The following CCBE1 variants were observed in gnomAD, a reference collection of about 807,000 sequenced individuals.
CCBE1 encodes collagen and calcium-binding EGF domain-containing protein 1.
In CCBE1, 37 loss-of-function variants were observed where a neutral mutation model predicts 50.0. The observed-to-expected ratio is 0.74, with a 90% CI of 0.57 to 0.97. The LOEUF (loss-of-function observed/expected upper bound fraction) is 0.97. Among genes scored for constraint, CCBE1 ranks in the 50% least tolerant of loss-of-function variants. The pLI is 0.00. For synonymous variants in CCBE1, 234 were observed against 203.7 expected (o/e 1.15, Z -1.27); for missense variants, 538 against 523.8 (o/e 1.03, Z -0.26).
chr18:59,613,131 A>T (rs998763427), intron 2 of CCBE1, among the ~76,000 whole-genome samples: 13 of 152,040 alleles, frequency 8.6e-5, no homozygotes, highest in Non-Finnish European at 1.6e-4. Context: ...TAACTGGATT[A>T]AAAATAGGAG....
intron 2 of CCBE1, among the ~76,000 whole-genome samples, chr18:59,667,913 G>C (rs2054377601): frequency 6.6e-6 from 1 of 152,078 alleles, no homozygotes; most frequent in Non-Finnish European, 1.5e-5. Context: ...CTGTAAAACT[G>C]GATAAAAATT....
chr18:59,547,277 G>A (rs1915743274), intron 2 of CCBE1, among the ~76,000 whole-genome samples: 1 of 152,106 alleles, frequency 6.6e-6, no homozygotes, highest in African/African-American at 2.4e-5. Flanking sequence ...GGGGAGCAGG[G>A]AGGTGGAAAA....
intron 2 of CCBE1, among the ~76,000 whole-genome samples, chr18:59,658,350 AAAAAATATAT>A (rs2054225552): frequency 3.8e-5 from 1 of 26,604 alleles, no homozygotes; most frequent in African/African-American, 1.6e-4. Context: ...AAAAAAAAAA[AAAAAATATAT>A]ATATATATAT....
At chr18:59,469,735 T>G in intron 3 of CCBE1, 128 bp from the exon 4 acceptor site, 1 of 1,246,696 alleles carries the variant, frequency 8.0e-7, no homozygotes. Flanking sequence ...CAGATATACT[T>G]GGAGGGACAG....
chr18:59,540,046 G>A (rs1915409852), intron 2 of CCBE1, among the ~76,000 whole-genome samples: 1 of 151,884 alleles, frequency 6.6e-6, no homozygotes, highest in African/African-American at 2.4e-5. Flanking sequence ...GTATAATCTT[G>A]GACCCATAAA....
chr18:59,488,356 T>C (rs1912923382), intron 2 of CCBE1, among the ~76,000 whole-genome samples: 1 of 152,230 alleles, frequency 6.6e-6, no homozygotes, highest in Admixed American at 6.5e-5. Flanking sequence ...CAGTTATTTT[T>C]GCCACACACA....
intron 7 of CCBE1, among the ~76,000 whole-genome samples, chr18:59,443,423 A>C (rs1910529241): frequency 6.6e-6 from 1 of 151,916 alleles, no homozygotes; most frequent in African/African-American, 2.4e-5. Context: ...GGGGCCTGAC[A>C]AGCATTTTTA....
At chr18:59,602,107 T>C (rs949696050) in intron 2 of CCBE1, among the ~76,000 whole-genome samples, 1 of 148,772 alleles carries the variant, frequency 6.7e-6, no homozygotes, top group African/African-American at 2.6e-5. Flanking sequence ...ATTACAAATG[T>C]GAATTCCTTT....
intron 2 of CCBE1, among the ~76,000 whole-genome samples, chr18:59,621,984 C>T (rs911317273): frequency 1.3e-5 from 2 of 152,202 alleles, no homozygotes; most frequent in Non-Finnish European, 2.9e-5. Flanking sequence ...CACTATTTCA[C>T]ACCCTCAAAA....
chr18:59,659,693 G>C (rs916173380), intron 2 of CCBE1, among the ~76,000 whole-genome samples: 1 of 152,190 alleles, frequency 6.6e-6, no homozygotes, highest in Non-Finnish European at 1.5e-5. Flanking sequence ...AGCTGAGCCT[G>C]ATGACAGTGC....
intron 2 of CCBE1, among the ~76,000 whole-genome samples, chr18:59,639,429 T>C (rs1446360683): frequency 6.6e-6 from 1 of 152,204 alleles, no homozygotes; most frequent in African/African-American, 2.4e-5. Flanking sequence ...GAAAAGACTT[T>C]TCATAAAACT....
rs559433010 is a variant in CCBE1, at chr18:59,690,909, G to A, written c.212+5720C>T. ...CATGTCCTCTTCAGGTGTTATTTAAGATGGCAAGTTCAAGGAGTTAGCTAT... is the reference window on the plus strand; with the variant it reads ...CATGTCCTCTTCAGGTGTTATTTAAAATGGCAAGTTCAAGGAGTTAGCTAT... On this transcript the variant is annotated intron_variant, in intron 2 of 10. Coordinates refer to ENST00000439986, the MANE Select transcript of CCBE1 (RefSeq NM_133459.4). Among the ~76,000 whole-genome samples, 5 of 152,328 alleles carry A rather than the reference G, an allele frequency of 3.3e-5. No homozygotes were observed. In the East Asian group the frequency reaches 9.6e-4, roughly 29 times the overall value.
At chr18:59,686,533 C>G (rs1214366253) in intron 2 of CCBE1, among the ~76,000 whole-genome samples, 1 of 152,188 alleles carries the variant, frequency 6.6e-6, no homozygotes, top group Non-Finnish European at 1.5e-5. Context: ...ACAGTGAGTC[C>G]TCACACACAG....
chr18:59,453,427 T>C (rs1457159182), intron 6 of CCBE1, among the ~76,000 whole-genome samples: 1 of 152,252 alleles, frequency 6.6e-6, no homozygotes, highest in Non-Finnish European at 1.5e-5. Flanking sequence ...GTTTTCTGCC[T>C]AGTCTTCCTA....
rs1262992736 is a variant in CCBE1 at position 59,697,401 on chromosome 18, C to G, written c.-59G>C. 7 of 1,515,434 alleles carry G rather than the reference C, an allele frequency of 4.6e-6. No individual in the cohort carries two copies. In the East Asian group the frequency reaches 1.5e-4, roughly 32 times the overall value. 93.9% of individuals were successfully genotyped at this position (1,515,434 alleles called of 1,614,324 possible). ...CTCCGTCCGGACCAAGCGTCCTGCTCCTCCGCGGCCGCCGCCGCCTTCCCT... is the reference window on the plus strand; with the variant it reads ...CTCCGTCCGGACCAAGCGTCCTGCTGCTCCGCGGCCGCCGCCGCCTTCCCT... On this transcript the variant is annotated 5_prime_UTR_variant, in exon 1 of 11. Transcript: ENST00000439986.
At chr18:59,533,233 TGTTA>T (rs1204074410) in intron 2 of CCBE1, among the ~76,000 whole-genome samples, 1 of 152,254 alleles carries the variant, frequency 6.6e-6, no homozygotes, top group African/African-American at 2.4e-5. Context: ...GTTAGAATTT[TGTTA>T]GTTTAAAATT....
At position 59,607,322 on chromosome 18, in the gene CCBE1, A is replaced by T. The variant is rs750112767; in HGVS notation, c.212+89307T>A. Among the ~76,000 whole-genome samples, 37 of 152,342 alleles carry T rather than the reference A, an allele frequency of 2.4e-4. 1 individual carries two copies. The highest frequency in any genetic ancestry group is 1.8e-3 in the Admixed American group (27 of 15,298). On this transcript the variant is annotated intron_variant, in intron 2 of 10. Transcript: ENST00000439986. ...CATGAAAGCCCTCTTAGAGTCCAGAATCTGATAATCTGAACCAGTTTATGG... is the reference window on the plus strand; with the variant it reads ...CATGAAAGCCCTCTTAGAGTCCAGATTCTGATAATCTGAACCAGTTTATGG...
At chr18:59,697,167 G>A (rs1161802521) in intron 1 of CCBE1, 45 bp downstream of exon 1, 2 of 1,546,344 alleles carry the variant, frequency 1.3e-6, no homozygotes, top group Non-Finnish European at 1.7e-6. Context: ...AGCCGGGCGC[G>A]CATCAAGCAG....
intron 2 of CCBE1, among the ~76,000 whole-genome samples, chr18:59,556,880 C>T (rs2052664230): frequency 1.3e-5 from 2 of 152,248 alleles, no homozygotes; most frequent in African/African-American, 4.8e-5. Context: ...TCAAACTCTG[C>T]TGCATTTGTG....
Sources: allele counts gnomAD v4.1 joint callset (sites outside exome capture counted in the v4.1 genomes callset), GRCh38; gene constraint gnomAD v4.1.1; transcripts MANE v1.5; gene names NCBI Gene and HGNC (gene_info 2026-07-23, HGNC 2026-07-21).